The following COBLL1 variants were observed in gnomAD, a reference collection of about 807,000 sequenced individuals.
COBLL1 encodes the protein cordon-bleu protein-like 1.
Under a neutral mutation model 94.8 loss-of-function variants are expected in COBLL1, and 50 were observed. That is an observed-to-expected ratio of 0.53 (90% CI 0.42 to 0.67). The LOEUF (loss-of-function observed/expected upper bound fraction) is 0.67, where lower values mean the gene tolerates loss of function less well. Ranked by LOEUF, COBLL1 falls within the 30% of genes least tolerant of loss-of-function variation. COBLL1 has a pLI of 0.00. For missense variants in COBLL1, 1,362 were observed against 1,348.7 expected, an observed-to-expected ratio of 1.01 and a Z score of -0.15; for synonymous variants, 448 against 473.8, an observed-to-expected ratio of 0.95 and a Z score of 0.71.
intron 7 of COBLL1, 31 bp from the exon 8 acceptor site, chr2:164,705,136 A>G (rs774616233): frequency 8.8e-6 from 13 of 1,482,356 alleles, no homozygotes; most frequent in Non-Finnish European, 9.9e-6. Flanking sequence ...ATAAAATCCT[A>G]CATTTAGAAA....
At chr2:164,687,636 C>T (rs1489792086) in intron 13 of COBLL1, 2 of 952,616 alleles carry the variant, frequency 2.1e-6, no homozygotes, top group Non-Finnish European at 3.4e-6. Flanking sequence ...GAACATACAT[C>T]TGAAAGGCCT....
At chr2:164,733,083 C>A (rs574033554) in intron 3 of COBLL1, among the ~76,000 whole-genome samples, 2 of 152,146 alleles carry the variant, frequency 1.3e-5, no homozygotes, top group East Asian at 3.9e-4. Context: ...AAACACAAAA[C>A]AAAAAATTAT....
At chr2:164,699,379 G>A (rs776503778) in intron 11 of COBLL1, 26 bp downstream of exon 11, 4 of 1,397,932 alleles carry the variant, frequency 2.9e-6, no homozygotes, top group South Asian at 1.2e-5. Flanking sequence ...GTAAGAAAGT[G>A]TTGGCTATTA....
At chr2:164,695,899 G>T in intron 11 of COBLL1, 63 bp from the exon 12 acceptor site, 2 of 1,295,266 alleles carry the variant, frequency 1.5e-6, no homozygotes, top group Non-Finnish European at 2.1e-6. Flanking sequence ...AGTTTTTAAT[G>T]CCTACTTTCT....
chr2:164,661,468 G>C (rs1020527913), intron 2 of COBLL1, among the ~76,000 whole-genome samples: 1 of 152,066 alleles, frequency 6.6e-6, no homozygotes, highest in Non-Finnish European at 1.5e-5. Flanking sequence ...TCATAGAAAA[G>C]TGTTTAATTA....
At chr2:164,818,003 A>G (rs1684862928) in intron 2 of COBLL1, among the ~76,000 whole-genome samples, 1 of 151,864 alleles carries the variant, frequency 6.6e-6, no homozygotes. Flanking sequence ...GGCTTTGTGT[A>G]TTTACTTTTT....
intron 2 of COBLL1, among the ~76,000 whole-genome samples, chr2:164,748,397 A>G (rs1574513953): frequency 6.6e-6 from 1 of 152,322 alleles, no homozygotes; most frequent in Middle Eastern, 3.4e-3. Flanking sequence ...ATTGTCACCC[A>G]AAGTTAAAAG....
At position 164,775,088 on chromosome 2, in the gene COBLL1, T is replaced by C. The variant is rs547962367; in HGVS notation, c.42-31213A>G. Among the ~76,000 whole-genome samples, 100 of 152,008 alleles carry C rather than the reference T, an allele frequency of 6.6e-4. 3 individuals are homozygous for C. Among genetic ancestry groups the C allele is most frequent in the East Asian group, 1.7e-3 (9 of 5,160 alleles). ...GGAAAATTGCTTAAGCCCAGCAGTT[T>C]GAGGTTGCAGTGAGCTGAGACTGTG... On this transcript the variant is annotated intron_variant, in intron 2 of 13. Coordinates refer to ENST00000652658, the MANE Select transcript of COBLL1 (RefSeq NM_001365672.2).
intron 2 of COBLL1, among the ~76,000 whole-genome samples, chr2:164,818,769 C>CATAT (rs752386836): frequency 0.02 from 2,783 of 139,368 alleles, 106 homozygotes; most frequent in African/African-American, 0.071. Context: ...CTTATGTAAA[C>CATAT]ATATATATAT....
chr2:164,813,620 T>C (rs1248835077), intron 2 of COBLL1, among the ~76,000 whole-genome samples: 2 of 152,068 alleles, frequency 1.3e-5, no homozygotes, highest in Non-Finnish European at 2.9e-5. Context: ...TCTCTTAAAA[T>C]AAGAAATGAA....
At chr2:164,721,518 A>C (rs942829078) in intron 7 of COBLL1, among the ~76,000 whole-genome samples, 2 of 152,228 alleles carry the variant, frequency 1.3e-5, no homozygotes, top group Non-Finnish European at 2.9e-5. Flanking sequence ...TGTGCTTTGA[A>C]GATAAGGGTG....
At chr2:164,821,591 T>C (rs1031755678) in intron 2 of COBLL1, among the ~76,000 whole-genome samples, 1 of 152,198 alleles carries the variant, frequency 6.6e-6, no homozygotes, top group African/African-American at 2.4e-5. Context: ...AGGACTGTCT[T>C]ACAGGCTCAG....
At chr2:164,687,356 G>GCCA in intron 13 of COBLL1, 1 of 714,840 alleles carries the variant, frequency 1.4e-6, no homozygotes, top group Non-Finnish European at 2.5e-6. Flanking sequence ...AGCCATATGA[G>GCCA]CCACTTCTCA....
At chr2:164,716,529 T>G (rs6748833) in intron 7 of COBLL1, among the ~76,000 whole-genome samples, 95,991 of 151,968 alleles carry the variant, frequency 0.63, 31,728 homozygotes, top group African/African-American at 0.84. Flanking sequence ...AGAGGGTACA[T>G]AGAAATTTAG....
At chr2:164,759,264 A>C (rs1458239786) in intron 2 of COBLL1, among the ~76,000 whole-genome samples, 1 of 152,164 alleles carries the variant, frequency 6.6e-6, no homozygotes, top group African/African-American at 2.4e-5. Context: ...TGATAAAGAA[A>C]ACTCCCTGAA....
chr2:164,789,020 A>AACACACACACACACACACACACACAC (rs56773751), intron 2 of COBLL1, among the ~76,000 whole-genome samples: 17 of 141,668 alleles, frequency 1.2e-4, no homozygotes, highest in Admixed American at 2.2e-4. Flanking sequence ...TAGAGGTTTA[A>AACACACACACACACACACACACACAC]ACACACACAC....
downstream of COBLL1, among the ~76,000 whole-genome samples, chr2:164,675,464 T>C (rs1312115578): frequency 6.6e-6 from 1 of 152,146 alleles, no homozygotes; most frequent in Non-Finnish European, 1.5e-5. Flanking sequence ...AATATAGGCT[T>C]GTTCTGCAGA....
At chr2:164,787,612 T>C (rs772938874) in intron 2 of COBLL1, among the ~76,000 whole-genome samples, 11 of 152,254 alleles carry the variant, frequency 7.2e-5, no homozygotes, top group Non-Finnish European at 1.2e-4. Flanking sequence ...CTTATACCTT[T>C]CCACTCCTGC....
At chr2:164,806,946 T>C (rs573455320) in intron 2 of COBLL1, among the ~76,000 whole-genome samples, 7 of 152,222 alleles carry the variant, frequency 4.6e-5, no homozygotes, top group African/African-American at 1.4e-4. Context: ...GCTCAGGTTA[T>C]CCTCCTGCCT....
Sources: allele counts gnomAD v4.1 joint callset (sites outside exome capture counted in the v4.1 genomes callset), GRCh38; gene constraint gnomAD v4.1.1; transcripts MANE v1.5; gene names NCBI Gene and HGNC (gene_info 2026-07-23, HGNC 2026-07-21).